PCOLCE2: variants seen among roughly 807,000 people sequenced by gnomAD.
PCOLCE2 encodes procollagen C-endopeptidase enhancer 2, also known as procollagen C-proteinase enhancer 2.
A neutral mutation model predicts 47.0 loss-of-function variants in PCOLCE2; 42 were observed. That is an observed-to-expected ratio of 0.89 (90% CI 0.70 to 1.16). The LOEUF (loss-of-function observed/expected upper bound fraction) is 1.16. PCOLCE2 is among the 50% of genes most tolerant of loss of function. The pLI, the probability that PCOLCE2 is intolerant of heterozygous loss-of-function variation, is 0.00. For synonymous variants in PCOLCE2, 169 were observed against 191.7 expected, an observed-to-expected ratio of 0.88 and a Z score of 0.98; for missense variants, 500 against 526.1, an observed-to-expected ratio of 0.95 and a Z score of 0.49.
chr3:142,854,789 G>A (rs1933033234), intron 2 of PCOLCE2, among the ~76,000 whole-genome samples: 1 of 152,088 alleles, frequency 6.6e-6, no homozygotes, highest in African/African-American at 2.4e-5. Context: ...TGAACATCAG[G>A]TGCCAGGTAT....
Position 142,829,868 on chromosome 3 carries a change from T to G in PCOLCE2, c.711-22A>C, listed in dbSNP as rs3821644. 100 of 1,441,602 alleles carry G rather than the reference T, an allele frequency of 6.9e-5. No homozygotes were observed. The East Asian group carries it at 2.3e-3, about 33-fold the overall frequency. The allele number at this position is 1,441,602 out of a possible 1,614,324, so 89.3% of individuals were successfully genotyped here. On this transcript the variant is annotated intron_variant, in intron 5 of 8. Coordinates refer to ENST00000295992, the MANE Select transcript of PCOLCE2 (RefSeq NM_013363.4). ...TGGCCTAAAAAAAGAAAAATGTGTT[T>G]TTTTATAAATACTTAAAAGTGGTGC...
Position 142,887,502 on chromosome 3 carries a change from T to A in PCOLCE2, c.192+167A>T. ...ATCACTAATGCAGGACACGACTAGA[T>A]CTATTATATTAATAAAAATCTTCCC... On this transcript the variant is annotated intron_variant, in intron 2 of 8. Coordinates refer to ENST00000295992, the MANE Select transcript of PCOLCE2 (RefSeq NM_013363.4). 3 of 590,232 alleles carry A rather than the reference T, an allele frequency of 5.1e-6. No individual in the cohort carries two copies. In the Middle Eastern group the frequency reaches 8.3e-4, roughly 164 times the overall value. The allele number at this position is 590,232 out of a possible 1,614,324, so 36.6% of individuals were successfully genotyped here. A position where few individuals can be genotyped will look rare whatever the true frequency, so the allele number is the denominator to read the frequency against.
Position 142,889,014 on chromosome 3 carries a change from C to CA in PCOLCE2, c.-119_-118insT. ...TGGCAGCAGCGCTGGCTCACACCGG[C>CA]GCTCGGCTGCCCGCGCGCTCCCTCT... On this transcript the variant is annotated 5_prime_UTR_variant, in exon 1 of 9. Coordinates refer to ENST00000295992, the MANE Select transcript of PCOLCE2 (RefSeq NM_013363.4). 25 of 440,906 alleles carry CA rather than the reference C, an allele frequency of 5.7e-5. No individual in the cohort carries two copies. Among genetic ancestry groups the CA allele is most frequent in the Non-Finnish European group, 8.8e-5 (23 of 260,472 alleles). The allele number at this position is 440,906 out of a possible 1,614,324, so 27.3% of individuals were successfully genotyped here.
intron 2 of PCOLCE2, among the ~76,000 whole-genome samples, chr3:142,878,621 G>C (rs1412669084): frequency 2.6e-5 from 4 of 152,186 alleles, no homozygotes; most frequent in Non-Finnish European, 5.9e-5. Flanking sequence ...CACTTTGGGA[G>C]ACCAAGGCGG....
At chr3:142,848,191 T>C (rs749696853) in intron 3 of PCOLCE2, 26 bp downstream of exon 3, 54 of 1,606,980 alleles carry the variant, frequency 3.4e-5, no homozygotes, top group Non-Finnish European at 4.1e-5. Flanking sequence ...ATTACTGTTG[T>C]TATTGCCATT....
intron 2 of PCOLCE2, among the ~76,000 whole-genome samples, chr3:142,862,031 C>A (rs1208909642): frequency 6.6e-6 from 1 of 152,194 alleles, no homozygotes; most frequent in Non-Finnish European, 1.5e-5. Context: ...GTTTTCAGTG[C>A]CACACCTGGG....
chr3:142,844,276 T>G (rs1386142984), intron 3 of PCOLCE2, among the ~76,000 whole-genome samples: 1 of 152,124 alleles, frequency 6.6e-6, no homozygotes, highest in Non-Finnish European at 1.5e-5. Context: ...ATTAGATGAG[T>G]TTAATTTTAG....
intron 2 of PCOLCE2, among the ~76,000 whole-genome samples, chr3:142,874,899 G>A (rs1391023507): frequency 2.0e-5 from 3 of 152,060 alleles, no homozygotes; most frequent in Non-Finnish European, 2.9e-5. Flanking sequence ...TGTGTACTAG[G>A]GTACACAGAG....
At chr3:142,823,733 T>C (rs569588130) in intron 6 of PCOLCE2, 118 bp from the exon 7 acceptor site, 2 of 641,470 alleles carry the variant, frequency 3.1e-6, no homozygotes, top group South Asian at 4.0e-5. Flanking sequence ...AATCTATCAC[T>C]ACAAAGAAAA....
At chr3:142,844,668 T>C (rs1396429771) in intron 3 of PCOLCE2, among the ~76,000 whole-genome samples, 1 of 152,228 alleles carries the variant, frequency 6.6e-6, no homozygotes, top group African/African-American at 2.4e-5. Flanking sequence ...TAGTTTTTCA[T>C]GCACTTATTG....
chr3:142,879,666 G>T (rs1422212988), intron 2 of PCOLCE2, among the ~76,000 whole-genome samples: 1 of 152,142 alleles, frequency 6.6e-6, no homozygotes, highest in Non-Finnish European at 1.5e-5. Flanking sequence ...CAGCTTATGT[G>T]CCATAAGAAT....
chr3:142,869,754 C>G (rs1933348369), intron 2 of PCOLCE2, among the ~76,000 whole-genome samples: 1 of 152,310 alleles, frequency 6.6e-6, no homozygotes, highest in Admixed American at 6.5e-5. Flanking sequence ...CTAGAAGCCC[C>G]CACACTTCAA....
chr3:142,837,981 T>A (rs1314366628), intron 5 of PCOLCE2, among the ~76,000 whole-genome samples: 1 of 152,214 alleles, frequency 6.6e-6, no homozygotes, highest in East Asian at 1.9e-4. Flanking sequence ...ATCATTTGGG[T>A]TTGTCGTAAA....
At chr3:142,843,723 A>T (rs1937294062) in intron 3 of PCOLCE2, among the ~76,000 whole-genome samples, 1 of 152,218 alleles carries the variant, frequency 6.6e-6, no homozygotes, top group Non-Finnish European at 1.5e-5. Flanking sequence ...TAATGTAAGA[A>T]TTATTTTAAT....
At chr3:142,856,003 C>T (rs933203469) in intron 2 of PCOLCE2, among the ~76,000 whole-genome samples, 2 of 152,176 alleles carry the variant, frequency 1.3e-5, no homozygotes, top group Non-Finnish European at 2.9e-5. Flanking sequence ...GGTGTCCTTA[C>T]CCAGCACCTC....
intron 2 of PCOLCE2, among the ~76,000 whole-genome samples, chr3:142,866,625 A>G (rs1259056124): frequency 1.3e-5 from 2 of 152,226 alleles, no homozygotes; most frequent in Non-Finnish European, 2.9e-5. Context: ...ATCTCACACC[A>G]TACATAAATT....
At position 142,881,210 on chromosome 3, in the gene PCOLCE2, T is replaced by C. The variant is rs568573044; in HGVS notation, c.192+6459A>G. ...AAATAAGTGCATGAGAGTATAATGG[T>C]ATCCCTGAGTCAGAAAGTTGTGTGC... On this transcript the variant is annotated intron_variant, in intron 2 of 8. Coordinates refer to ENST00000295992, the MANE Select transcript of PCOLCE2 (RefSeq NM_013363.4). 2.6e-5 allele frequency among the ~76,000 whole-genome samples: 4 copies of C among 152,330 alleles called. No homozygotes were observed. In the South Asian group the frequency reaches 8.3e-4, roughly 32 times the overall value.
At chr3:142,848,716 C>T (rs559470543) in intron 2 of PCOLCE2, among the ~76,000 whole-genome samples, 2 of 152,258 alleles carry the variant, frequency 1.3e-5, no homozygotes, top group African/African-American at 4.8e-5. Context: ...TAAGAACTTA[C>T]CTCAACAAAG....
At chr3:142,858,046 C>T (rs1432407637) in intron 2 of PCOLCE2, among the ~76,000 whole-genome samples, 1 of 152,204 alleles carries the variant, frequency 6.6e-6, no homozygotes, top group Non-Finnish European at 1.5e-5. Context: ...GACTTCCACT[C>T]CAATTTCAAA....
Sources: allele counts gnomAD v4.1 joint callset (sites outside exome capture counted in the v4.1 genomes callset), GRCh38; gene constraint gnomAD v4.1.1; transcripts MANE v1.5; gene names NCBI Gene and HGNC (gene_info 2026-07-23, HGNC 2026-07-21).